PRKN: variants seen among roughly 807,000 people sequenced by gnomAD.
PRKN encodes parkin RBR E3 ubiquitin protein ligase, also known as E3 ubiquitin-protein ligase parkin.
Under a neutral mutation model 59.5 loss-of-function variants are expected in PRKN, and 56 were observed. The observed-to-expected ratio is 0.94, with a 90% confidence interval of 0.76 to 1.18. The LOEUF is 1.18. Ranked by LOEUF, PRKN falls within the 50% of genes most tolerant of loss-of-function variation. PRKN has a pLI of 0.00. For synonymous variants in PRKN, 250 were observed against 222.1 expected, an observed-to-expected ratio of 1.13 and a Z score of -1.12; for missense variants, 657 against 596.4, an observed-to-expected ratio of 1.10 and a Z score of -1.06.
In PRKN at chr6:161,504,701, A is replaced by T. The variant is rs1778090448; in HGVS notation, c.1083+44153T>A. Among the ~76,000 whole-genome samples, 4 of 122,884 alleles carry T rather than the reference A, an allele frequency of 3.3e-5. No homozygotes were observed. The South Asian group carries it at 1.1e-3, about 34-fold the overall frequency. 80.6% of individuals were successfully genotyped at this position (122,884 alleles called of 152,430 possible). ...CCCCCCACCCCACAACAGTCCCCAGAGTGTGATGTTCCCCCTCCTGTGTCC... is the reference window on the plus strand; with the variant it reads ...CCCCCCACCCCACAACAGTCCCCAGTGTGTGATGTTCCCCCTCCTGTGTCC... On this transcript the variant is annotated intron_variant, in intron 9 of 11. Coordinates refer to ENST00000366898, the MANE Select transcript of PRKN (RefSeq NM_004562.3).
At chr6:161,741,443 G>A (rs375792643) in intron 7 of PRKN, among the ~76,000 whole-genome samples, 17 of 152,136 alleles carry the variant, frequency 1.1e-4, no homozygotes, top group African/African-American at 4.1e-4. Context: ...TGTACCGGAC[G>A]GGGAATCCGA....
chr6:162,045,169 T>G (rs1384515415), intron 5 of PRKN, among the ~76,000 whole-genome samples: 1 of 152,212 alleles, frequency 6.6e-6, no homozygotes, highest in African/African-American at 2.4e-5. Flanking sequence ...GATTCCTACA[T>G]CCTGAAAGTC....
intron 2 of PRKN, among the ~76,000 whole-genome samples, chr6:162,352,535 G>A (rs2128131518): frequency 6.6e-6 from 1 of 152,186 alleles, no homozygotes; most frequent in East Asian, 1.9e-4. Flanking sequence ...GGGCCATCTT[G>A]ATTATGAAAA....
chr6:161,447,739 C>T lies in PRKN; in HGVS notation c.1084-60862G>A, dbSNP rs987413881. Reference sequence around the variant, plus strand: ...CGATCTCCTGACCTCATGATCAGCCCGCCTCGGCCTCCCAATGTGCTGGGA... The same window carrying T: ...CGATCTCCTGACCTCATGATCAGCCTGCCTCGGCCTCCCAATGTGCTGGGA... On this transcript the variant is annotated intron_variant, in intron 9 of 11. Coordinates refer to ENST00000366898, the MANE Select transcript of PRKN (RefSeq NM_004562.3). This position sits in a 1 kb window ranked among gnomAD's most constrained non-coding sequence, Gnocchi z 4.1. Among the ~76,000 whole-genome samples, 3 of 152,132 alleles carry T rather than the reference C, an allele frequency of 2.0e-5. No homozygotes were observed. The highest frequency in any genetic ancestry group is 2.9e-5 in the Non-Finnish European group (2 of 68,014).
chr6:162,129,779 T>C (rs1214401914), intron 4 of PRKN, among the ~76,000 whole-genome samples: 1 of 152,186 alleles, frequency 6.6e-6, no homozygotes. Flanking sequence ...TGAAATGATA[T>C]ATAATGGCCT....
At chr6:161,655,017 G>A (rs981550020) in intron 7 of PRKN, among the ~76,000 whole-genome samples, 2 of 152,222 alleles carry the variant, frequency 1.3e-5, no homozygotes, top group African/African-American at 2.4e-5. Context: ...AGAGCCAGAC[G>A]AGGTGTCAGC....
At position 162,650,147 on chromosome 6, in the gene PRKN, G is replaced by A. The variant is rs549846800; in HGVS notation, c.7+77515C>T. Among the ~76,000 whole-genome samples the A allele has an allele frequency of 1.2e-4, 19 of 152,226 alleles. No individual in the cohort carries two copies. In the South Asian group the frequency reaches 2.5e-3, roughly 20 times the overall value. ...ACTGAATTCTACACCAATATATACC[G>A]AAGTAGAAGCTGCCTTAAAAGCAGG... On this transcript the variant is annotated intron_variant, in intron 1 of 11. Coordinates refer to ENST00000366898, the MANE Select transcript of PRKN (RefSeq NM_004562.3).
intron 8 of PRKN, among the ~76,000 whole-genome samples, chr6:161,559,111 A>G (rs368838008): frequency 6.7e-6 from 1 of 150,186 alleles, no homozygotes; most frequent in South Asian, 2.1e-4. Flanking sequence ...CCGGAAGCAC[A>G]GTTTAAGAAG....
At chr6:162,154,527 A>G (rs1454696410) in intron 4 of PRKN, among the ~76,000 whole-genome samples, 3 of 142,548 alleles carry the variant, frequency 2.1e-5, no homozygotes, top group Non-Finnish European at 3.0e-5. Flanking sequence ...AAAAGGAGAA[A>G]AAAAAAAAAA....
chr6:162,650,297 G>A (rs1778368195), intron 1 of PRKN, among the ~76,000 whole-genome samples: 1 of 152,124 alleles, frequency 6.6e-6, no homozygotes, highest in Non-Finnish European at 1.5e-5. Context: ...TTTTGAAGCA[G>A]GTTTGAAAAC....
chr6:161,691,152 T>A (rs375761142), intron 7 of PRKN, among the ~76,000 whole-genome samples: 2 of 152,202 alleles, frequency 1.3e-5, no homozygotes, highest in Non-Finnish European at 2.9e-5. Flanking sequence ...ATTGGTTCTG[T>A]TTCTCCAGAG....
intron 6 of PRKN, among the ~76,000 whole-genome samples, chr6:161,790,114 G>A (rs956831703): frequency 3.3e-5 from 5 of 152,172 alleles, no homozygotes; most frequent in African/African-American, 7.2e-5. Flanking sequence ...CTGGGAGCCC[G>A]AAAGTTAGGA....
rs113066522 is a variant in PRKN at position 162,298,170 on chromosome 6, GGAGAGAGA to G, written c.172-35413_172-35406del. ...GGAGGTCAATGGGTACAGACGGAGGGGAGAGAGAGAGAGAGAGAGAGAGAAATTGACTG... is the reference window on the plus strand; with the variant it reads ...GGAGGTCAATGGGTACAGACGGAGGGGAGAGAGAGAGAGAGAAATTGACTG... On this transcript the variant is annotated intron_variant, in intron 2 of 11. Transcript: ENST00000366898. Among the ~76,000 whole-genome samples the G allele has an allele frequency of 2.2e-3, 330 of 148,886 alleles. 1 individual carries two copies. Among genetic ancestry groups the G allele is most frequent in the Non-Finnish European group, 3.7e-3 (250 of 67,000 alleles).
chr6:162,355,720 A>AC (rs1391826127), intron 2 of PRKN, among the ~76,000 whole-genome samples: 1 of 151,966 alleles, frequency 6.6e-6, no homozygotes, highest in African/African-American at 2.4e-5. Context: ...AATTAAAAAA[A>AC]AAAAACATGG....
At chr6:161,994,028 T>C (rs188486290) in intron 5 of PRKN, among the ~76,000 whole-genome samples, 7 of 152,112 alleles carry the variant, frequency 4.6e-5, no homozygotes, top group African/African-American at 2.4e-5. Flanking sequence ...ACCTCTAACA[T>C]TGGTGATGAA....
At chr6:161,788,024 G>A (rs899081706) in intron 6 of PRKN, among the ~76,000 whole-genome samples, 1 of 152,194 alleles carries the variant, frequency 6.6e-6, no homozygotes, top group East Asian at 1.9e-4. Context: ...GTCAGCCCAC[G>A]AACTCCCGCC....
At chr6:162,333,339 AT>A (rs1783675873) in intron 2 of PRKN, among the ~76,000 whole-genome samples, 1 of 151,086 alleles carries the variant, frequency 6.6e-6, no homozygotes. Context: ...AAGATACTGC[AT>A]TTTTTAACAA....
In PRKN at chr6:161,593,981, C is replaced by T. The variant is rs1233512613; in HGVS notation, c.872-24565G>A. The stretch of plus-strand genomic sequence containing the variant: ...CCTGGCCAACATAGTGAAACCCCAT[C>T]TCTACTAAAAAAAAAAAACAAAAAA... On this transcript the variant is annotated intron_variant, in intron 7 of 11. Transcript: ENST00000366898. The surrounding 1 kb of genome is among the most constrained non-coding windows in gnomAD (Gnocchi z 4.8). Among the ~76,000 whole-genome samples, 1 of 150,648 alleles carries T rather than the reference C, an allele frequency of 6.6e-6. No individual in the cohort carries two copies. Among genetic ancestry groups the T allele is most frequent in the South Asian group, 2.1e-4 (1 of 4,772 alleles).
intron 1 of PRKN, among the ~76,000 whole-genome samples, chr6:162,575,828 C>A (rs1342330590): frequency 2.0e-5 from 3 of 152,184 alleles, no homozygotes; most frequent in Non-Finnish European, 2.9e-5. Flanking sequence ...AGACCCATGA[C>A]ACCCTATATT....
Sources: gnomAD v4.1 joint callset for allele counts (sites outside exome capture counted in the v4.1 genomes callset) on GRCh38, gnomAD v4.1.1 for gene constraint, Gnocchi (gnomAD v3.1) non-coding constraint, MANE v1.5 for transcripts, NCBI Gene and HGNC (gene_info 2026-07-23, HGNC 2026-07-21) for gene names.